The following CDC123 variants were observed in gnomAD, a reference collection of about 807,000 sequenced individuals.
CDC123 encodes cell division cycle 123.
CDC123 carries 37 observed loss-of-function variants against 54.4 expected under a neutral mutation model. The ratio of observed to expected loss-of-function variants is 0.68; its 90% CI spans 0.52 to 0.89. CDC123 has a LOEUF of 0.89. Ranked by LOEUF, CDC123 falls within the 40% of genes least tolerant of loss-of-function variation. The pLI is 0.00. For missense variants in CDC123, 361 were observed against 412.1 expected, an observed-to-expected ratio of 0.88 and a Z score of 1.07; for synonymous variants, 144 against 136.8, an observed-to-expected ratio of 1.05 and a Z score of -0.37.
intron 2 of CDC123, among the ~76,000 whole-genome samples, chr10:12,206,358 G>A (rs972735281): frequency 6.6e-6 from 1 of 152,232 alleles, no homozygotes; most frequent in East Asian, 1.9e-4. Context: ...AAAATATTAT[G>A]TGGCATTTAA....
chr10:12,201,571 A>C (rs1835439763), intron 2 of CDC123, among the ~76,000 whole-genome samples: 1 of 151,788 alleles, frequency 6.6e-6, no homozygotes, highest in African/African-American at 2.4e-5. Context: ...AGCTTGGGAA[A>C]GGTCATGTAG....
chr10:12,231,344 C>T (rs1021967328), intron 7 of CDC123, among the ~76,000 whole-genome samples: 19 of 151,976 alleles, frequency 1.3e-4, no homozygotes, highest in African/African-American at 1.7e-4. Flanking sequence ...GAGGATAGGC[C>T]GGGCGTGGTG....
In CDC123 at chr10:12,230,876, A is replaced by ATATT; in HGVS notation, c.441-69_441-68insTTAT. ...GTAAAACGTTACTCTCATGTTAAAT[A>ATATT]TATGTTAAGTGTGTGCATAAACTGG... On this transcript the variant is annotated intron_variant, in intron 6 of 12. Coordinates refer to ENST00000281141, the MANE Select transcript of CDC123 (RefSeq NM_006023.3). 2.9e-6 allele frequency: 4 copies of ATATT among 1,365,876 alleles called. No homozygotes were observed. The South Asian group carries it at 5.0e-5, about 17-fold the overall frequency. 84.6% of individuals were successfully genotyped at this position (1,365,876 alleles called of 1,614,324 possible). A position where few individuals can be genotyped will look rare whatever the true frequency, so the allele number is the denominator to read the frequency against.
intron 11 of CDC123, among the ~76,000 whole-genome samples, chr10:12,248,012 A>C (rs1044080411): frequency 7.9e-5 from 12 of 152,138 alleles, no homozygotes; most frequent in African/African-American, 2.7e-4. Flanking sequence ...AAAAAAAAAA[A>C]AGTAACGTGC....
intron 6 of CDC123, among the ~76,000 whole-genome samples, chr10:12,230,495 G>T (rs1213049316): frequency 6.6e-6 from 1 of 152,132 alleles, no homozygotes; most frequent in South Asian, 2.1e-4. Context: ...ACCCATCCTG[G>T]GGTACATGGC....
chr10:12,238,611 C>T lies in CDC123; in HGVS notation c.717+126C>T. The T allele has an allele frequency of 7.9e-6, 9 of 1,139,900 alleles. 1 individual carries two copies. The South Asian group carries it at 1.4e-4, about 18-fold the overall frequency. 70.6% of individuals were successfully genotyped at this position (1,139,900 alleles called of 1,614,324 possible). A position where few individuals can be genotyped will look rare whatever the true frequency, so the allele number is the denominator to read the frequency against. On this transcript the variant is annotated intron_variant, in intron 10 of 12. Coordinates refer to ENST00000281141, the MANE Select transcript of CDC123 (RefSeq NM_006023.3). ...AATATTTTGTCTGGGTGCAGCAGCT[C>T]ATGCCTGTATTCCCAGCACTTTGGG...
At chr10:12,200,117 G>C (rs1010488968) in intron 2 of CDC123, among the ~76,000 whole-genome samples, 3 of 48,982 alleles carry the variant, frequency 6.1e-5, no homozygotes, top group East Asian at 8.0e-4. Context: ...CACCGCACTC[G>C]GCATTTTTTT....
Position 12,220,237 on chromosome 10 carries a change from G to GT in CDC123, c.440+2778dup, listed in dbSNP as rs1293632614. On this transcript the variant is annotated intron_variant, in intron 6 of 12. Transcript: ENST00000281141. Reference sequence around the variant, plus strand: ...AATTGCTTTTAATTCTGAGGCTGATGTTTTTTTTAAATCAGCTTTGCAATT... The same window carrying GT: ...AATTGCTTTTAATTCTGAGGCTGATGTTTTTTTTTAAATCAGCTTTGCAATT... Among the ~76,000 whole-genome samples the GT allele has an allele frequency of 2.6e-5, 4 of 152,136 alleles. No individual in the cohort carries two copies. The East Asian group carries it at 5.8e-4, about 22-fold the overall frequency.
chr10:12,203,445 C>G (rs1360328038), intron 2 of CDC123, among the ~76,000 whole-genome samples: 1 of 152,168 alleles, frequency 6.6e-6, no homozygotes, highest in Admixed American at 6.5e-5. Flanking sequence ...GACTAGTTTA[C>G]CTTGTTTGCC....
At chr10:12,237,295 A>G (rs1212893616) in intron 9 of CDC123, 29 bp downstream of exon 9, 3 of 1,509,208 alleles carry the variant, frequency 2.0e-6, no homozygotes, top group African/African-American at 1.4e-5. Flanking sequence ...ATCCAGTAAA[A>G]TGAAATGAAA....
rs200140568 is a variant in CDC123 at position 12,196,341 on chromosome 10, C to T, written c.74+22C>T. ...AGAGGTGAGATGGGAGGGGGTTCGC[C>T]CGGTCGACCGGCAAAAGGGAACTGC... On this transcript the variant is annotated intron_variant, in intron 1 of 12. Transcript: ENST00000281141. The T allele has an allele frequency of 3.1e-6, 5 of 1,613,748 alleles. No homozygotes were observed. In the East Asian group the frequency reaches 6.7e-5, roughly 22 times the overall value.
chr10:12,205,296 A>T lies in CDC123; in HGVS notation c.147-4671A>T, dbSNP rs190743267. Among the ~76,000 whole-genome samples the T allele has an allele frequency of 3.3e-5, 5 of 152,284 alleles. No individual in the cohort carries two copies. In the East Asian group the frequency reaches 9.6e-4, roughly 29 times the overall value. On this transcript the variant is annotated intron_variant, in intron 2 of 12. Coordinates refer to ENST00000281141, the MANE Select transcript of CDC123 (RefSeq NM_006023.3). ...GAATAGTACTCCATTGTGTATATGT[A>T]CCACATTTTCTTTATCCATCATCAG...
chr10:12,211,835 G>A (rs945467420), intron 4 of CDC123, among the ~76,000 whole-genome samples: 5 of 152,196 alleles, frequency 3.3e-5, no homozygotes, highest in South Asian at 4.1e-4. Flanking sequence ...TGGGCCTGGC[G>A]CGGTGGCCGA....
At chr10:12,249,370 C>G (rs1479591239) in intron 11 of CDC123, among the ~76,000 whole-genome samples, 3 of 152,046 alleles carry the variant, frequency 2.0e-5, no homozygotes, top group African/African-American at 7.2e-5. Context: ...CCCAGGAGGT[C>G]GAGGCTGCAG....
chr10:12,243,617 T>C (rs1366092667), intron 10 of CDC123, among the ~76,000 whole-genome samples: 2 of 128,702 alleles, frequency 1.6e-5, no homozygotes, highest in South Asian at 2.6e-4. Context: ...ACCCTGTCTC[T>C]ACTAAAAATA....
chr10:12,231,157 A>G (rs1310174486), intron 7 of CDC123, among the ~76,000 whole-genome samples, 161 bp downstream of exon 7: 1 of 152,208 alleles, frequency 6.6e-6, no homozygotes, highest in Non-Finnish European at 1.5e-5. Context: ...ATAAAAGGAT[A>G]TATATTATAT....
chr10:12,224,569 C>T (rs1358832883), intron 6 of CDC123, among the ~76,000 whole-genome samples: 2 of 152,004 alleles, frequency 1.3e-5, no homozygotes, highest in African/African-American at 4.8e-5. Context: ...ATTTTCATAG[C>T]TTGCTAGAGG....
intron 11 of CDC123, among the ~76,000 whole-genome samples, chr10:12,248,469 G>A (rs1836189798): frequency 6.8e-6 from 1 of 147,384 alleles, no homozygotes; most frequent in Non-Finnish European, 1.5e-5. Context: ...CCAAGATCAC[G>A]CCATTGCACT....
intron 6 of CDC123, among the ~76,000 whole-genome samples, chr10:12,225,027 A>C (rs1304637731): frequency 6.6e-6 from 1 of 152,110 alleles, no homozygotes; most frequent in Non-Finnish European, 1.5e-5. Context: ...TAGTTGGTGG[A>C]CAGGCATATC....
Sources: gnomAD v4.1 joint callset for allele counts (sites outside exome capture counted in the v4.1 genomes callset) on GRCh38, gnomAD v4.1.1 for gene constraint, MANE v1.5 for transcripts, NCBI Gene and HGNC (gene_info 2026-07-23, HGNC 2026-07-21) for gene names.